The following ZHX3 variants were observed in gnomAD, a reference collection of about 807,000 sequenced individuals.
ZHX3 encodes zinc fingers and homeoboxes protein 3.
Under a neutral mutation model 64.5 loss-of-function variants are expected in ZHX3, and 20 were observed. The observed-to-expected ratio is 0.31, with a 90% CI of 0.22 to 0.45. The LOEUF (loss-of-function observed/expected upper bound fraction) is 0.45. ZHX3 is among the 20% of genes least tolerant of loss of function. ZHX3 has a pLI of 1.00. For synonymous variants in ZHX3, 423 were observed against 461.6 expected (o/e 0.92, Z 1.07); for missense variants, 1,041 against 1,195.8 (o/e 0.87, Z 1.91).
chr20:41,205,596 G>A (rs1261971197), intron 2 of ZHX3, among the ~76,000 whole-genome samples: 2 of 152,128 alleles, frequency 1.3e-5, no homozygotes, highest in East Asian at 1.9e-4. Context: ...TAGGAAGACC[G>A]GCTGCTGTAA....
chr20:41,197,335 T>C (rs2037815981), intron 3 of ZHX3, among the ~76,000 whole-genome samples: 1 of 146,492 alleles, frequency 6.8e-6, no homozygotes, highest in Non-Finnish European at 1.5e-5. Flanking sequence ...ATATATTTTA[T>C]ATATAATTGT....
At chr20:41,274,538 A>G (rs2043293805) in intron 1 of ZHX3, among the ~76,000 whole-genome samples, 1 of 152,214 alleles carries the variant, frequency 6.6e-6, no homozygotes, top group African/African-American at 2.4e-5. Context: ...CAATCACTTG[A>G]TATTATAAAG....
rs748424595 is a variant in ZHX3 at position 41,204,965 on chromosome 20, G to A, written c.-49C>T. The A allele has an allele frequency of 1.6e-5, 24 of 1,490,850 alleles. No homozygotes were observed. Among genetic ancestry groups the A allele is most frequent in the Non-Finnish European group, 2.0e-5 (22 of 1,120,618 alleles). The allele number at this position is 1,490,850 out of a possible 1,614,324, so 92.4% of individuals were successfully genotyped here. On this transcript the variant is annotated 5_prime_UTR_variant, in exon 3 of 4. Coordinates refer to ENST00000683867, the MANE Select transcript of ZHX3 (RefSeq NM_001384317.1). The surrounding 1 kb of genome is among the most constrained non-coding windows in gnomAD (Gnocchi z 6.6). ...CAGTTGAGAGCTTGTCCCATAAGGGGCCTAACAATACAAGTTCCAGCTTCT... is the reference window on the plus strand; with the variant it reads ...CAGTTGAGAGCTTGTCCCATAAGGGACCTAACAATACAAGTTCCAGCTTCT...
At chr20:41,246,180 T>C (rs2041677067) in intron 2 of ZHX3, among the ~76,000 whole-genome samples, 2 of 152,242 alleles carry the variant, frequency 1.3e-5, no homozygotes, top group South Asian at 4.1e-4. Context: ...GTCCTGGGAC[T>C]TCACTGAAGA....
chr20:41,239,588 TG>T (rs2041248399), intron 2 of ZHX3: 1 of 152,398 alleles, frequency 6.6e-6, no homozygotes, highest in East Asian at 1.9e-4. Flanking sequence ...GCAACAGGTG[TG>T]GGGTTTACCT....
intron 2 of ZHX3, among the ~76,000 whole-genome samples, chr20:41,236,181 T>A (rs1219381670): frequency 3.9e-5 from 6 of 152,122 alleles, no homozygotes; most frequent in Admixed American, 3.3e-4. Context: ...AATATCGTGA[T>A]AATGGCCATA....
At chr20:41,306,565 G>A (rs2044985272) in intron 1 of ZHX3, among the ~76,000 whole-genome samples, 1 of 152,164 alleles carries the variant, frequency 6.6e-6, no homozygotes, top group African/African-American at 2.4e-5. Flanking sequence ...CTCTCCATTG[G>A]TGTCCAGCAT....
At chr20:41,281,134 C>T (rs768897728) in intron 1 of ZHX3, among the ~76,000 whole-genome samples, 1 of 152,116 alleles carries the variant, frequency 6.6e-6, no homozygotes, top group Non-Finnish European at 1.5e-5. Context: ...TGTATTTGCA[C>T]CAGACTTCTC....
At chr20:41,293,096 G>C (rs2044331450) in intron 1 of ZHX3, among the ~76,000 whole-genome samples, 1 of 152,170 alleles carries the variant, frequency 6.6e-6, no homozygotes, top group South Asian at 2.1e-4. Flanking sequence ...GATGGGTACA[G>C]CACAGCTACC....
Position 41,180,417 on chromosome 20 carries a change from G to T in ZHX3, c.*4774C>A. On this transcript the variant is annotated 3_prime_UTR_variant, in exon 4 of 4. Transcript: ENST00000683867. Reference sequence around the variant, plus strand: ...TGCCTAGTCTCATCCCCAGCCTCTGGGTTCCCTCCCCTGCTCTAGACTTCA... The same window carrying T: ...TGCCTAGTCTCATCCCCAGCCTCTGTGTTCCCTCCCCTGCTCTAGACTTCA... 6.6e-6 allele frequency: 1 copy of T among 152,374 alleles called. No homozygotes were observed. The allele number at this position is 152,374 out of a possible 1,614,324, so 9.4% of individuals were successfully genotyped here. A position where few individuals can be genotyped will look rare whatever the true frequency, so the allele number is the denominator to read the frequency against.
chr20:41,260,392 T>C lies in ZHX3; in HGVS notation c.-151+8598A>G, dbSNP rs1055339411. 3.3e-5 allele frequency among the ~76,000 whole-genome samples: 5 copies of C among 152,302 alleles called. No individual in the cohort carries two copies. The East Asian group carries it at 9.6e-4, about 29-fold the overall frequency. ...TTTTTGTAAGGTAGAAATAAAACTTTTACAAACTGTTTTTAAGAGACATCA... is the reference window on the plus strand; with the variant it reads ...TTTTTGTAAGGTAGAAATAAAACTTCTACAAACTGTTTTTAAGAGACATCA... On this transcript the variant is annotated intron_variant, in intron 2 of 3. Transcript: ENST00000683867.
chr20:41,274,698 C>T (rs1450310439), intron 1 of ZHX3, among the ~76,000 whole-genome samples: 1 of 152,146 alleles, frequency 6.6e-6, no homozygotes, highest in Admixed American at 6.5e-5. Context: ...AATACTGGTT[C>T]ATTTGAAACC....
chr20:41,283,706 G>A (rs1033261055), intron 1 of ZHX3, among the ~76,000 whole-genome samples: 7 of 151,926 alleles, frequency 4.6e-5, no homozygotes, highest in East Asian at 3.9e-4. Flanking sequence ...GCAGTGAGCC[G>A]AGATCGCACC....
At chr20:41,285,817 C>T (rs1229045817) in intron 1 of ZHX3, among the ~76,000 whole-genome samples, 2 of 152,200 alleles carry the variant, frequency 1.3e-5, no homozygotes, top group East Asian at 3.8e-4. Flanking sequence ...GCATCAGTTT[C>T]TTCATTTGTA....
Position 41,205,058 on chromosome 20 carries a change from C to T in ZHX3, c.-142G>A, listed in dbSNP as rs972158046. On this transcript the variant is annotated 5_prime_UTR_variant, in exon 3 of 4. Coordinates refer to ENST00000683867, the MANE Select transcript of ZHX3 (RefSeq NM_001384317.1). The stretch of plus-strand genomic sequence containing the variant: ...GTTGTTTGCAGAAAGCAGGTTTTCC[C>T]TATTCAATCTAAGGAAAGGGAGAAA... The T allele has an allele frequency of 1.5e-6, 2 of 1,321,252 alleles. No homozygotes were observed. Among genetic ancestry groups the T allele is most frequent in the African/African-American group, 3.0e-5 (2 of 67,014 alleles). The allele number at this position is 1,321,252 out of a possible 1,614,324, so 81.8% of individuals were successfully genotyped here.
intron 1 of ZHX3, among the ~76,000 whole-genome samples, chr20:41,307,851 A>G (rs1359595224): frequency 6.6e-6 from 1 of 152,178 alleles, no homozygotes; most frequent in East Asian, 1.9e-4. Context: ...CATTTTGATT[A>G]TATCTCCTTC....
chr20:41,289,526 C>T (rs1188793013), intron 1 of ZHX3, among the ~76,000 whole-genome samples: 1 of 152,066 alleles, frequency 6.6e-6, no homozygotes, highest in Non-Finnish European at 1.5e-5. Flanking sequence ...AGTAGTGTCT[C>T]CCTCAGTACA....
At chr20:41,238,080 C>CT (rs1434029973) in intron 2 of ZHX3, among the ~76,000 whole-genome samples, 4 of 152,210 alleles carry the variant, frequency 2.6e-5, no homozygotes, top group African/African-American at 7.2e-5. Context: ...TTACAGTTCA[C>CT]TTGCAGTTGC....
intron 2 of ZHX3, among the ~76,000 whole-genome samples, chr20:41,265,637 C>T (rs1229871183): frequency 6.6e-6 from 1 of 152,150 alleles, no homozygotes; most frequent in East Asian, 1.9e-4. Context: ...TCCCCCAAGA[C>T]AAATTGTCTC....
Sources: gnomAD v4.1 joint callset for allele counts (sites outside exome capture counted in the v4.1 genomes callset) on GRCh38, gnomAD v4.1.1 for gene constraint, Gnocchi (gnomAD v3.1) non-coding constraint, MANE v1.5 for transcripts, NCBI Gene and HGNC (gene_info 2026-07-23, HGNC 2026-07-21) for gene names.